The following JADE2 variants were observed in gnomAD, a reference collection of about 807,000 sequenced individuals.
JADE2 encodes E3 ubiquitin-protein ligase Jade-2.
In JADE2, 13 loss-of-function variants were observed where a neutral mutation model predicts 85.7. The ratio of observed to expected loss-of-function variants is 0.15; its 90% confidence interval spans 0.10 to 0.24. The LOEUF is 0.24. Among genes scored for constraint, JADE2 ranks in the 10% least tolerant of loss-of-function variants. The pLI is 1.00. For missense variants in JADE2, 846 were observed against 1,115.9 expected (o/e 0.76, Z 3.45); for synonymous variants, 440 against 456.1 (o/e 0.96, Z 0.45).
At position 134,560,645 on chromosome 5, in the gene JADE2, C is replaced by T. The variant is rs543279653; in HGVS notation, c.473-101C>T. The T allele has an allele frequency of 4.2e-5, 41 of 980,768 alleles. No individual in the cohort carries two copies. The African/African-American group carries it at 5.7e-4, about 14-fold the overall frequency. The allele number at this position is 980,768 out of a possible 1,614,324, so 60.8% of individuals were successfully genotyped here. On this transcript the variant is annotated intron_variant, in intron 5 of 11. Coordinates refer to ENST00000681547, the MANE Select transcript of JADE2 (RefSeq NM_001388185.1). ...GTGGGTGGGCAGAAACCCTCCCAGA[C>T]ATCTGCCCTGAATTCCTGCAACTCC...
intron 9 of JADE2, among the ~76,000 whole-genome samples, chr5:134,571,437 G>A (rs1466924112): frequency 6.6e-6 from 1 of 152,312 alleles, no homozygotes. Flanking sequence ...GGTGGCTCAC[G>A]CCTGTAATCC....
chr5:134,545,614 G>A (rs1450031762), intron 3 of JADE2, among the ~76,000 whole-genome samples: 1 of 152,154 alleles, frequency 6.6e-6, no homozygotes, highest in Non-Finnish European at 1.5e-5. Context: ...TGTCTTGCAA[G>A]CAGTATTGCT....
intron 1 of JADE2, among the ~76,000 whole-genome samples, chr5:134,534,520 G>A (rs1761460758): frequency 1.3e-5 from 2 of 152,082 alleles, no homozygotes; most frequent in South Asian, 4.1e-4. Flanking sequence ...TCAAGTCCAA[G>A]GCAGGAGGGC....
intron 1 of JADE2, chr5:134,526,859 C>T: frequency 2.7e-6 from 2 of 742,064 alleles, no homozygotes; most frequent in Non-Finnish European, 3.3e-6. Context: ...TGGGGAGAGG[C>T]GCTGGGAGAG....
Position 134,537,996 on chromosome 5 carries a change from G to C in JADE2, c.66G>C (p.Ala22=). 6.2e-7 allele frequency: 1 copy of C among 1,613,866 alleles called. No individual in the cohort carries two copies. Among genetic ancestry groups the C allele is most frequent in the Non-Finnish European group, 8.5e-7 (1 of 1,179,824 alleles). The change falls in exon 3 of 12, where the codon GCG becomes GCC. Residue 22 remains alanine (A), a synonymous_variant. Coordinates refer to ENST00000681547, the MANE Select transcript of JADE2 (RefSeq NM_001388185.1). ...ACTGTTCTCTCTCTGCAGGTCATGC[G>C]ACATCTACATCCGCATCAAGATGCT... is the stretch of plus-strand genomic sequence containing the variant. ...SDNSDTTDSH[A]TSTSASRCSK...
At chr5:134,577,364 C>G (rs1764441238) in intron 11 of JADE2, among the ~76,000 whole-genome samples, 2 of 152,238 alleles carry the variant, frequency 1.3e-5, no homozygotes, top group Non-Finnish European at 2.9e-5. Context: ...CTGCCCACCA[C>G]CTCCACTGTC....
intron 6 of JADE2, among the ~76,000 whole-genome samples, chr5:134,561,243 C>T (rs1763302660): frequency 6.6e-6 from 1 of 152,254 alleles, no homozygotes; most frequent in African/African-American, 2.4e-5. Flanking sequence ...CTCTGCTCCT[C>T]ATGTCCTGAA....
At chr5:134,549,605 C>T (rs1762490224) in intron 3 of JADE2, among the ~76,000 whole-genome samples, 2 of 151,912 alleles carry the variant, frequency 1.3e-5, no homozygotes, top group Admixed American at 6.6e-5. Context: ...TGCAGTGAAC[C>T]GAGATTGTGC....
intron 3 of JADE2, among the ~76,000 whole-genome samples, chr5:134,545,335 T>G (rs1188115774): frequency 6.6e-6 from 1 of 152,048 alleles, no homozygotes; most frequent in Non-Finnish European, 1.5e-5. Context: ...AAAAGAAATG[T>G]GTGTAATAAA....
intron 1 of JADE2, 108 bp downstream of exon 1, chr5:134,526,119 G>A (rs1561717035): frequency 1.0e-6 from 1 of 984,890 alleles, no homozygotes; most frequent in Non-Finnish European, 1.2e-6. Flanking sequence ...TCTCTTGCTC[G>A]CTCGCTCCCT....
chr5:134,538,022 C>T lies in JADE2; in HGVS notation c.92C>T (p.Ser31Phe), dbSNP rs746910871. The T allele has an allele frequency of 1.2e-6, 2 of 1,614,152 alleles. No individual in the cohort carries two copies. The highest frequency in any genetic ancestry group is 1.1e-5 in the South Asian group (1 of 91,086). The change falls in exon 3 of 12, where the codon TCC becomes TTC. Residue 31 changes from serine to phenylalanine, a missense_variant. By Grantham distance (155) the Ser-to-Phe change is radical. Transcript: ENST00000681547. ...HATSTSASRC[S>F]KLPSSTKSGW... ...ACATCTACATCCGCATCAAGATGCT[C>T]CAAACTGCCCAGCAGCACCAAGTCG...
upstream of JADE2, chr5:134,524,418 G>A (rs1186252852): frequency 2.0e-5 from 3 of 152,350 alleles, no homozygotes; most frequent in African/African-American, 7.2e-5. Flanking sequence ...CGTACTGTTT[G>A]TGCACCACAA....
At position 134,581,406 on chromosome 5, in the gene JADE2, C is replaced by T. The variant is rs1362507352; in HGVS notation, c.*2089C>T. On this transcript the variant is annotated 3_prime_UTR_variant, in exon 12 of 12. Transcript: ENST00000681547. Reference sequence around the variant, plus strand: ...CCCTGTCTGTGCCAGATTGCCCGGTCTGACCCTGCAGGAAGCAAAGAGGTG... The same window carrying T: ...CCCTGTCTGTGCCAGATTGCCCGGTTTGACCCTGCAGGAAGCAAAGAGGTG... 2 of 152,746 alleles carry T rather than the reference C, an allele frequency of 1.3e-5. No individual in the cohort carries two copies. Among genetic ancestry groups the T allele is most frequent in the African/African-American group, 2.4e-5 (1 of 41,458 alleles). 9.5% of individuals were successfully genotyped at this position (152,746 alleles called of 1,614,324 possible).
At chr5:134,569,458 T>C (rs531115002) in intron 9 of JADE2, among the ~76,000 whole-genome samples, 11 of 152,308 alleles carry the variant, frequency 7.2e-5, no homozygotes, top group Admixed American at 2.6e-4. Flanking sequence ...CAGCGGACGC[T>C]CGGAAGGCAT....
At chr5:134,551,327 C>T (rs1282526373) in intron 3 of JADE2, among the ~76,000 whole-genome samples, 3 of 152,116 alleles carry the variant, frequency 2.0e-5, no homozygotes, top group Non-Finnish European at 2.9e-5. Flanking sequence ...CTCCTGGGCT[C>T]AAGCAATCCT....
intron 1 of JADE2, chr5:134,533,392 G>A (rs1581393731): frequency 3.6e-6 from 1 of 277,478 alleles, no homozygotes; most frequent in Non-Finnish European, 5.5e-6. Context: ...GGACATTTAT[G>A]TAAAAAGCCA....
chr5:134,537,990 T>A lies in JADE2; in HGVS notation c.60T>A (p.Ser20Arg). Residue 20 changes from serine to arginine, a missense_variant and splice_region_variant, in exon 3 of 12, where the codon AGT (serine) becomes AGA (arginine). Ser to Arg is a moderately radical substitution (Grantham distance 110). Around this residue, in one of 9 missense-constraint regions of JADE2, gnomAD observed 47 missense variants for 42.2 expected, o/e 1.11. Transcript: ENST00000681547. The part of the protein sequence containing the change: ...ISSDNSDTTD[S>R]HATSTSASRC... ...TAATGGACTGTTCTCTCTCTGCAGG[T>A]CATGCGACATCTACATCCGCATCAA... is the stretch of plus-strand genomic sequence containing the variant. The A allele has an allele frequency of 3.7e-6, 6 of 1,613,650 alleles. No individual in the cohort carries two copies. The highest frequency in any genetic ancestry group is 5.1e-6 in the Non-Finnish European group (6 of 1,179,652).
intron 3 of JADE2, among the ~76,000 whole-genome samples, chr5:134,548,846 G>C (rs1762444123): frequency 6.6e-6 from 1 of 152,204 alleles, no homozygotes; most frequent in Non-Finnish European, 1.5e-5. Context: ...CAGAACAAAG[G>C]CTGCCTGTTG....
At chr5:134,536,685 G>A (rs1017196645) in intron 2 of JADE2, 1 of 152,322 alleles carries the variant, frequency 6.6e-6, no homozygotes. Flanking sequence ...GGAGTAAGGA[G>A]TTCCATCTGC....
Sources: gnomAD v4.1 joint callset for allele counts (sites outside exome capture counted in the v4.1 genomes callset) on GRCh38, gnomAD v4.1.1 for gene constraint, gnomAD v4.1.1 regional missense constraint, MANE v1.5 for transcripts, NCBI Gene and HGNC (gene_info 2026-07-23, HGNC 2026-07-21) for gene names.